Variants in CENPC observed in about 807,000 individuals in gnomAD.
CENPC encodes CENP-C 1.
Under a neutral mutation model 112.1 loss-of-function variants are expected in CENPC, and 63 were observed. That is an observed-to-expected ratio of 0.56 (90% confidence interval 0.46 to 0.69). The LOEUF (loss-of-function observed/expected upper bound fraction) is 0.69, where lower values mean the gene tolerates loss of function less well. Among genes scored for constraint, CENPC ranks in the 30% least tolerant of loss-of-function variants. The probability of loss-of-function intolerance (pLI) is 0.00; values close to 1 mark genes in which losing one functional copy is unlikely to be tolerated. For missense variants in CENPC, 1,000 were observed against 1,103.8 expected (o/e 0.91, Z 1.33); for synonymous variants, 333 against 367.6 (o/e 0.91, Z 1.08).
At chr4:67,527,471 A>C (rs79022516) in intron 5 of CENPC, among the ~76,000 whole-genome samples, 1 of 149,526 alleles carries the variant, frequency 6.7e-6, no homozygotes, top group South Asian at 2.1e-4. Flanking sequence ...AGCAGGAACA[A>C]CGCTAGAATT....
At chr4:67,495,668 A>C (rs1380200264) in intron 12 of CENPC, among the ~76,000 whole-genome samples, 1 of 152,246 alleles carries the variant, frequency 6.6e-6, no homozygotes, top group Non-Finnish European at 1.5e-5. Flanking sequence ...AAACAAAAAA[A>C]ACAACAGATT....
intron 3 of CENPC, among the ~76,000 whole-genome samples, chr4:67,540,614 G>A (rs140209558): frequency 1.4e-4 from 21 of 152,298 alleles, no homozygotes; most frequent in African/African-American, 4.8e-4. Context: ...AGGTTGCAGT[G>A]AGTTGAGATA....
rs185593308 is a variant in CENPC, at chr4:67,513,534, T to C, written c.1444+540A>G. On this transcript the variant is annotated intron_variant, in intron 8 of 18. Coordinates refer to ENST00000273853, the MANE Select transcript of CENPC (RefSeq NM_001812.4). Reference sequence around the variant, plus strand: ...TAAGAAATTATGGATAAATCAAAATTTTGTATCCTTCCTTTTAATCCTATG... The same window carrying C: ...TAAGAAATTATGGATAAATCAAAATCTTGTATCCTTCCTTTTAATCCTATG... 9.8e-4 allele frequency among the ~76,000 whole-genome samples: 149 copies of C among 152,264 alleles called. 1 individual carries two copies. Among genetic ancestry groups the C allele is most frequent in the African/African-American group, 3.5e-3 (146 of 41,570 alleles).
In CENPC at chr4:67,508,746, CT is replaced by C. The variant is rs767106480; in HGVS notation, c.1904+67del. On this transcript the variant is annotated intron_variant, in intron 10 of 18. Transcript: ENST00000273853. The stretch of plus-strand genomic sequence containing the variant: ...CTAATTACTGCCTGTCCATAAATGA[CT>C]AAATAGCACAAATTATTAAATGCTG... 1.8e-5 allele frequency: 26 copies of C among 1,449,788 alleles called. No homozygotes were observed. The African/African-American group carries it at 1.8e-4, about 10-fold the overall frequency. 89.8% of individuals were successfully genotyped at this position (1,449,788 alleles called of 1,614,324 possible). A position where few individuals can be genotyped will look rare whatever the true frequency, so the allele number is the denominator to read the frequency against.
At chr4:67,491,820 G>A (rs190521908) in intron 16 of CENPC, among the ~76,000 whole-genome samples, 12 of 152,164 alleles carry the variant, frequency 7.9e-5, no homozygotes, top group East Asian at 1.9e-4. Context: ...CATGATAAGC[G>A]TATCCTTGAG....
chr4:67,505,119 A>G, intron 12 of CENPC, 86 bp downstream of exon 12: 1 of 904,856 alleles, frequency 1.1e-6, no homozygotes, highest in East Asian at 2.6e-5. Context: ...ACTCGCCATC[A>G]GTGACAATGT....
At chr4:67,533,648 T>C (rs1425857618) in intron 4 of CENPC, among the ~76,000 whole-genome samples, 1 of 152,118 alleles carries the variant, frequency 6.6e-6, no homozygotes, top group African/African-American at 2.4e-5. Flanking sequence ...CCAGAGAGAA[T>C]GGAAACATGC....
At chr4:67,537,676 C>T (rs1726766542) in intron 4 of CENPC, among the ~76,000 whole-genome samples, 1 of 152,034 alleles carries the variant, frequency 6.6e-6, no homozygotes, top group African/African-American at 2.4e-5. Context: ...GCCTGTAACC[C>T]CAGCTACTTG....
chr4:67,527,375 A>G (rs1306598971), intron 5 of CENPC, among the ~76,000 whole-genome samples: 1 of 152,200 alleles, frequency 6.6e-6, no homozygotes, highest in East Asian at 1.9e-4. Flanking sequence ...GCATACTGGC[A>G]GGAGAAAATT....
chr4:67,535,009 G>A (rs150125308), intron 4 of CENPC, among the ~76,000 whole-genome samples: 56 of 152,108 alleles, frequency 3.7e-4, no homozygotes, highest in African/African-American at 1.3e-3. Flanking sequence ...CTAAAAGCCT[G>A]CAAAGAGGAA....
At chr4:67,522,463 A>G (rs1726254596) in intron 5 of CENPC, among the ~76,000 whole-genome samples, 2 of 152,100 alleles carry the variant, frequency 1.3e-5, no homozygotes, top group Non-Finnish European at 2.9e-5. Context: ...TCTCTCCATA[A>G]TGGCTACTTT....
rs1048410611 is a variant in CENPC at position 67,540,870 on chromosome 4, C to G, written c.136+110G>C. 7.8e-6 allele frequency: 6 copies of G among 769,280 alleles called. No individual in the cohort carries two copies. In the African/African-American group the frequency reaches 1.1e-4, roughly 14 times the overall value. 47.7% of individuals were successfully genotyped at this position (769,280 alleles called of 1,614,324 possible). On this transcript the variant is annotated intron_variant, in intron 3 of 18. Transcript: ENST00000273853. Reference sequence around the variant, plus strand: ...TCAAAATACCAGGGAAAATATTTTCCATATATTTAAACCCTAGAACATATT... The same window carrying G: ...TCAAAATACCAGGGAAAATATTTTCGATATATTTAAACCCTAGAACATATT...
intron 7 of CENPC, among the ~76,000 whole-genome samples, chr4:67,515,851 A>C (rs534434469): frequency 1.3e-5 from 2 of 152,146 alleles, no homozygotes; most frequent in East Asian, 3.9e-4. Context: ...CTTATCACAA[A>C]GCATACAATG....
At chr4:67,504,999 T>C (rs1725694692) in intron 12 of CENPC, 1 of 541,212 alleles carries the variant, frequency 1.8e-6, no homozygotes. Context: ...TGCCAATATT[T>C]CATTATGTTC....
intron 17 of CENPC, among the ~76,000 whole-genome samples, chr4:67,486,859 G>C (rs1725106785): frequency 6.6e-6 from 1 of 151,732 alleles, no homozygotes; most frequent in African/African-American, 2.4e-5. Context: ...GGATTTTGCT[G>C]ACTACATCCC....
chr4:67,482,887 C>T (rs2109766112), intron 17 of CENPC, among the ~76,000 whole-genome samples: 1 of 152,174 alleles, frequency 6.6e-6, no homozygotes, highest in Non-Finnish European at 1.5e-5. Flanking sequence ...GTCTCCCCAC[C>T]CAAATGTCAC....
chr4:67,476,223 T>C (rs1375117040), intron 17 of CENPC, among the ~76,000 whole-genome samples: 1 of 152,180 alleles, frequency 6.6e-6, no homozygotes, highest in Non-Finnish European at 1.5e-5. Flanking sequence ...CATGAACTTT[T>C]TTGCCAGAAG....
At chr4:67,487,654 C>G (rs905671195) in intron 17 of CENPC, among the ~76,000 whole-genome samples, 2 of 151,522 alleles carry the variant, frequency 1.3e-5, no homozygotes, top group African/African-American at 4.9e-5. Flanking sequence ...GGTTTTTTCT[C>G]TCTCCTGAAA....
intron 5 of CENPC, among the ~76,000 whole-genome samples, chr4:67,527,169 G>C (rs910349152): frequency 2.0e-5 from 3 of 152,086 alleles, no homozygotes; most frequent in African/African-American, 7.2e-5. Flanking sequence ...GAATACATTT[G>C]AAAAGGGAAA....
Sources: allele counts gnomAD v4.1 joint callset (sites outside exome capture counted in the v4.1 genomes callset), GRCh38; gene constraint gnomAD v4.1.1; transcripts MANE v1.5; gene names NCBI Gene and HGNC (gene_info 2026-07-23, HGNC 2026-07-21).